Variants in SIPA1L3 observed in about 807,000 individuals in gnomAD.
SIPA1L3 encodes signal induced proliferation associated 1 like 3, also known as signal-induced proliferation-associated 1-like protein 3.
Under a neutral mutation model 150.1 loss-of-function variants are expected in SIPA1L3, and 59 were observed. The ratio of observed to expected loss-of-function variants is 0.39; its 90% CI spans 0.32 to 0.49. The LOEUF is 0.49. SIPA1L3 is among the 20% of genes least tolerant of loss of function. The probability of loss-of-function intolerance (pLI) is 0.86; values close to 1 mark genes in which losing one functional copy is unlikely to be tolerated. For missense variants in SIPA1L3, 2,211 were observed against 2,489.5 expected, an observed-to-expected ratio of 0.89 and a Z score of 2.38; for synonymous variants, 1,070 against 1,077.6, an observed-to-expected ratio of 0.99 and a Z score of 0.14.
At chr19:38,106,673 G>C in intron 7 of SIPA1L3, 33 bp downstream of exon 7, 1 of 1,453,206 alleles carries the variant, frequency 6.9e-7, no homozygotes, top group Middle Eastern at 1.7e-4. Flanking sequence ...ACGGCTGCCG[G>C]ATGTTGGCTG....
chr19:38,064,335 A>C (rs983829831), intron 2 of SIPA1L3, among the ~76,000 whole-genome samples: 2 of 152,244 alleles, frequency 1.3e-5, no homozygotes, highest in Non-Finnish European at 2.9e-5. Flanking sequence ...CTGAGCCCAG[A>C]GGAACAAGGG....
chr19:38,124,607 G>A (rs1379851813), intron 9 of SIPA1L3, among the ~76,000 whole-genome samples: 1 of 152,008 alleles, frequency 6.6e-6, no homozygotes, highest in African/African-American at 2.4e-5. Context: ...GGTGGCGGCC[G>A]GGCAGAGGCT....
At position 38,081,664 on chromosome 19, in the gene SIPA1L3, C is replaced by G. The variant is rs112242319; in HGVS notation, c.99C>G (p.Asp33Glu). ...GDVLPGPHTGDYAPLGFWAQN... is the reference protein window; with the variant it reads ...GDVLPGPHTGEYAPLGFWAQN... ...TCCTCCCTGGGCCACACACAGGGGA[C>G]TACGCTCCCTTGGGATTCTGGGCCC... Residue 33 changes from aspartate (D) to glutamate (E), a missense_variant, in exon 3 of 22, where the codon GAC becomes GAG. This residue lies in a region of SIPA1L3 where 130 missense variants were observed against 174.5 expected (regional missense o/e 0.74). Transcript: ENST00000222345. 293 of 1,612,378 alleles carry G rather than the reference C, an allele frequency of 1.8e-4. 1 individual carries two copies. The African/African-American group carries it at 3.3e-3, about 18-fold the overall frequency.
chr19:38,004,295 G>A (rs1362103817), intron 1 of SIPA1L3, among the ~76,000 whole-genome samples: 1 of 152,200 alleles, frequency 6.6e-6, no homozygotes, highest in Non-Finnish European at 1.5e-5. Flanking sequence ...AGGCTCCTGG[G>A]GCGGCCCAGA....
rs1386823495 is a variant in SIPA1L3, at chr19:38,082,917, C to T, written c.1352C>T (p.Ser451Phe). The change falls in exon 3 of 22, where the codon TCC becomes TTC. Residue 451 changes from serine (S) to phenylalanine (F), a missense_variant. Physicochemically the swap from Ser to Phe is radical, Grantham distance 155 (BLOSUM62 -2). Coordinates refer to ENST00000222345, the MANE Select transcript of SIPA1L3 (RefSeq NM_015073.3). ...AGCTTCTCCCGGGCTTCCGTGGGCT[C>T]CCCGAGCAGCGGCGAGGGCCACCTG... ...NVSFSRASVG[S>F]PSSGEGHLAE... 3 of 1,613,106 alleles carry T rather than the reference C, an allele frequency of 1.9e-6. No individual in the cohort carries two copies. The highest frequency in any genetic ancestry group is 2.7e-5 in the African/African-American group (2 of 75,038).
rs2062394380 is a variant in SIPA1L3 at position 38,029,155 on chromosome 19, G to A, written c.-312G>A. The A allele has an allele frequency of 6.6e-6, 1 of 152,186 alleles. No individual in the cohort carries two copies. Among genetic ancestry groups the A allele is most frequent in the Admixed American group, 6.5e-5 (1 of 15,276 alleles). The allele number at this position is 152,186 out of a possible 1,614,324, so 9.4% of individuals were successfully genotyped here. On this transcript the variant is annotated splice_region_variant and 5_prime_UTR_variant, in exon 2 of 22. Transcript: ENST00000222345. Reference sequence around the variant, plus strand: ...AGCACTAGTGTCTAGAAGGCACTAAGGGTGAGTAAGGCGTGGCTGCTGGTT... The same window carrying A: ...AGCACTAGTGTCTAGAAGGCACTAAAGGTGAGTAAGGCGTGGCTGCTGGTT...
At chr19:38,153,726 G>T (rs975824014) in intron 13 of SIPA1L3, among the ~76,000 whole-genome samples, 7 of 149,594 alleles carry the variant, frequency 4.7e-5, no homozygotes, top group African/African-American at 1.7e-4. Flanking sequence ...TTGAGGTCAG[G>T]AATTCAAGAC....
In SIPA1L3 at chr19:38,206,576, C is replaced by T. The variant is rs529986160; in HGVS notation, c.*336C>T. 3.7e-5 allele frequency: 8 copies of T among 216,142 alleles called. No homozygotes were observed. The highest frequency in any genetic ancestry group is 9.8e-5 in the East Asian group (1 of 10,182). The allele number at this position is 216,142 out of a possible 1,614,324, so 13.4% of individuals were successfully genotyped here. A position where few individuals can be genotyped will look rare whatever the true frequency, so the allele number is the denominator to read the frequency against. The stretch of plus-strand genomic sequence containing the variant: ...ACCAGCCCTTCGAAGCTGATGGGGA[C>T]GGAGAGAGGAGCCAGTCTCCAGACG... On this transcript the variant is annotated 3_prime_UTR_variant, in exon 22 of 22. Coordinates refer to ENST00000222345, the MANE Select transcript of SIPA1L3 (RefSeq NM_015073.3).
chr19:37,908,540 G>C (rs2046353999), intron 1 of SIPA1L3, among the ~76,000 whole-genome samples: 1 of 152,056 alleles, frequency 6.6e-6, no homozygotes. Context: ...GGTTCCAGGA[G>C]ATAATTCATG....
At chr19:37,989,911 T>G (rs1967457913) in intron 1 of SIPA1L3, among the ~76,000 whole-genome samples, 1 of 152,168 alleles carries the variant, frequency 6.6e-6, no homozygotes, top group Non-Finnish European at 1.5e-5. Flanking sequence ...TGGCTTCCCG[T>G]GCACTCAGTC....
chr19:38,145,438 C>T (rs898296734), intron 12 of SIPA1L3, among the ~76,000 whole-genome samples: 1 of 149,894 alleles, frequency 6.7e-6, no homozygotes, highest in East Asian at 2.0e-4. Context: ...GAGGCTGAAG[C>T]GAGAGAATCG....
intron 21 of SIPA1L3, among the ~76,000 whole-genome samples, chr19:38,205,389 G>A (rs976231367): frequency 4.0e-5 from 6 of 151,052 alleles, no homozygotes; most frequent in East Asian, 1.9e-4. Context: ...CCCAGGAGGC[G>A]GAGATTGCAG....
intron 12 of SIPA1L3, among the ~76,000 whole-genome samples, chr19:38,149,587 C>T (rs922800728): frequency 2.0e-5 from 3 of 152,178 alleles, no homozygotes; most frequent in Admixed American, 6.5e-5. Flanking sequence ...CCCACATTGA[C>T]GGGAAACCAG....
chr19:37,977,043 C>T (rs767972348), intron 1 of SIPA1L3, among the ~76,000 whole-genome samples: 7 of 151,998 alleles, frequency 4.6e-5, no homozygotes, highest in South Asian at 4.2e-4. Flanking sequence ...TGCCATGTTA[C>T]CCAGGCTGGT....
Position 38,206,806 on chromosome 19 carries a change from C to T in SIPA1L3, c.*566C>T, listed in dbSNP as rs1376314018. The T allele has an allele frequency of 6.5e-6, 1 of 152,942 alleles. No homozygotes were observed. The highest frequency in any genetic ancestry group is 2.4e-5 in the African/African-American group (1 of 41,468). 9.5% of individuals were successfully genotyped at this position (152,942 alleles called of 1,614,324 possible). A position where few individuals can be genotyped will look rare whatever the true frequency, so the allele number is the denominator to read the frequency against. ...CTCCAAAAAGCACGAACATGATCCCCTCCCTAACCCCCTCCTCCCAAAAAG... is the reference window on the plus strand; with the variant it reads ...CTCCAAAAAGCACGAACATGATCCCTTCCCTAACCCCCTCCTCCCAAAAAG... On this transcript the variant is annotated 3_prime_UTR_variant, in exon 22 of 22. Transcript: ENST00000222345.
At chr19:38,188,622 A>T (rs951199625) in intron 16 of SIPA1L3, among the ~76,000 whole-genome samples, 15 of 152,302 alleles carry the variant, frequency 9.8e-5, no homozygotes, top group African/African-American at 3.6e-4. Context: ...AAGGGTTTGC[A>T]ATAGAAAGTA....
chr19:38,007,418 A>G (rs1967973629), intron 1 of SIPA1L3, among the ~76,000 whole-genome samples: 2 of 147,924 alleles, frequency 1.4e-5, no homozygotes, highest in South Asian at 2.1e-4. Flanking sequence ...ACGCCATTGC[A>G]CTCCAGTGCA....
intron 1 of SIPA1L3, among the ~76,000 whole-genome samples, chr19:37,991,353 G>A (rs1599875255): frequency 6.6e-6 from 1 of 152,238 alleles, no homozygotes; most frequent in African/African-American, 2.4e-5. Flanking sequence ...CTCTGTGGAC[G>A]TATCAGATGG....
At chr19:37,916,704 A>G (rs564687566) in intron 1 of SIPA1L3, among the ~76,000 whole-genome samples, 39 of 152,204 alleles carry the variant, frequency 2.6e-4, no homozygotes, top group African/African-American at 7.7e-4. Context: ...TCATGCCTGT[A>G]ATCCCAGCAC....
Sources: allele counts gnomAD v4.1 joint callset (sites outside exome capture counted in the v4.1 genomes callset), GRCh38; gene constraint gnomAD v4.1.1; regional missense constraint gnomAD v4.1.1; transcripts MANE v1.5; gene names NCBI Gene and HGNC (gene_info 2026-07-23, HGNC 2026-07-21).